The following DSCAM variants were observed in gnomAD, a reference collection of about 807,000 sequenced individuals.
DSCAM encodes cell adhesion molecule DSCAM.
In DSCAM, 47 loss-of-function variants were observed where a neutral mutation model predicts 217.7. That is an observed-to-expected ratio of 0.22 (90% CI 0.17 to 0.28). DSCAM has a LOEUF of 0.28. Among genes scored for constraint, DSCAM ranks in the 10% least tolerant of loss-of-function variants. The pLI, the probability that DSCAM is intolerant of heterozygous loss-of-function variation, is 1.00. For missense variants in DSCAM, 2,080 were observed against 2,618.3 expected, an observed-to-expected ratio of 0.79 and a Z score of 4.49; for synonymous variants, 1,056 against 1,015.3, an observed-to-expected ratio of 1.04 and a Z score of -0.76.
At chr21:40,294,533 T>A (rs1461474068) in intron 10 of DSCAM, among the ~76,000 whole-genome samples, 1 of 152,220 alleles carries the variant, frequency 6.6e-6, no homozygotes, top group Non-Finnish European at 1.5e-5. Flanking sequence ...CTGGTGCCTT[T>A]TCACTTCACT....
intron 1 of DSCAM, among the ~76,000 whole-genome samples, chr21:40,800,717 T>TTC (rs2091732781): frequency 4.3e-5 from 5 of 116,544 alleles, no homozygotes; most frequent in South Asian, 2.9e-4. Flanking sequence ...CTTACTTTCT[T>TTC]TTTTTTTTTT....
chr21:40,253,000 AT>A (rs143676118), intron 11 of DSCAM, among the ~76,000 whole-genome samples: 1,976 of 152,226 alleles, frequency 0.013, 42 homozygotes, highest in African/African-American at 0.046. Flanking sequence ...GGTAAATGGA[AT>A]TTATATTCTT....
At chr21:40,501,024 A>G (rs904934073) in intron 3 of DSCAM, among the ~76,000 whole-genome samples, 1 of 152,226 alleles carries the variant, frequency 6.6e-6, no homozygotes, top group Non-Finnish European at 1.5e-5. Context: ...ACTCCAAACA[A>G]TATCTATTAC....
rs563963748 is a variant in DSCAM at position 40,016,751 on chromosome 21, G to A, written c.5687-3365C>T. On this transcript the variant is annotated intron_variant, in intron 32 of 32. Transcript: ENST00000400454. The surrounding 1 kb of genome is among the most constrained non-coding windows in gnomAD (Gnocchi z 4.3). The stretch of plus-strand genomic sequence containing the variant: ...TGAAAGTGATATGTGTTTAGACAGT[G>A]TTTAAAGCCTGAACCTTAGGAAACA... 3.3e-5 allele frequency among the ~76,000 whole-genome samples: 5 copies of A among 152,304 alleles called. No individual in the cohort carries two copies. In the South Asian group the frequency reaches 8.3e-4, roughly 25 times the overall value.
chr21:40,039,671 C>G (rs1448919209), intron 32 of DSCAM, among the ~76,000 whole-genome samples: 2 of 152,118 alleles, frequency 1.3e-5, no homozygotes, highest in East Asian at 3.9e-4. Flanking sequence ...TATCAGGTAT[C>G]TGCTAGACCT....
intron 3 of DSCAM, among the ~76,000 whole-genome samples, chr21:40,540,879 T>A (rs867668754): frequency 2.0e-5 from 3 of 152,174 alleles, no homozygotes; most frequent in Non-Finnish European, 4.4e-5. Flanking sequence ...ATATTACTTT[T>A]AAAGGTTTTT....
At chr21:40,685,932 C>CAAACAA (rs138811486) in intron 3 of DSCAM, among the ~76,000 whole-genome samples, 17 of 143,136 alleles carry the variant, frequency 1.2e-4, no homozygotes, top group East Asian at 4.2e-4. Flanking sequence ...GAAACTGAGG[C>CAAACAA]AAACAAAAAC....
chr21:40,131,089 AATCT>A (rs2090150161), intron 19 of DSCAM, among the ~76,000 whole-genome samples: 1 of 152,218 alleles, frequency 6.6e-6, no homozygotes, highest in Non-Finnish European at 1.5e-5. Context: ...TTTTACTGGA[AATCT>A]ATCTGTATTT....
In DSCAM at chr21:40,124,310, C is replaced by T. The variant is rs1405376889; in HGVS notation, c.3581G>A (p.Gly1194Asp). 1 of 1,613,982 alleles carries T rather than the reference C, an allele frequency of 6.2e-7. No individual in the cohort carries two copies. ...TKEDVPGPPA[G>D]VKAAAASASM... Reference sequence around the variant, plus strand: ...GGCTGAGGCCGCCGCTGCCTTCACACCCGCGGGAGGACCTGGAACTGGAAG... The same window carrying T: ...GGCTGAGGCCGCCGCTGCCTTCACATCCGCGGGAGGACCTGGAACTGGAAG... The change falls in exon 20 of 33, where the codon GGT (glycine) becomes GAT (aspartate). Residue 1194 changes from glycine (G) to aspartate (D), a missense_variant. Coordinates refer to ENST00000400454, the MANE Select transcript of DSCAM (RefSeq NM_001389.5).
chr21:40,399,367 A>T (rs906444690), intron 3 of DSCAM, among the ~76,000 whole-genome samples: 5 of 152,210 alleles, frequency 3.3e-5, no homozygotes, highest in Admixed American at 2.0e-4. Context: ...TTTTGAGAGT[A>T]TGGGTGGAAA....
chr21:40,650,788 C>A (rs1305578644), intron 3 of DSCAM, among the ~76,000 whole-genome samples: 1 of 152,262 alleles, frequency 6.6e-6, no homozygotes, highest in African/African-American at 2.4e-5. Flanking sequence ...GTGGTGTGCG[C>A]CTTTAGTCCC....
At position 40,012,905 on chromosome 21, in the gene DSCAM, C is replaced by CT; in HGVS notation, c.*128dup. On this transcript the variant is annotated 3_prime_UTR_variant, in exon 33 of 33. Transcript: ENST00000400454. Reference sequence around the variant, plus strand: ...GCACTGTCTGTGGTTTCAGTATTTTCTCTTTTTTTTTTTTAATATATTTTG... The same window carrying CT: ...GCACTGTCTGTGGTTTCAGTATTTTCTTCTTTTTTTTTTTTAATATATTTTG... 1 of 614,936 alleles carries CT rather than the reference C, an allele frequency of 1.6e-6. No individual in the cohort carries two copies. The highest frequency in any genetic ancestry group is 2.3e-6 in the Non-Finnish European group (1 of 432,670). The allele number at this position is 614,936 out of a possible 1,614,324, so 38.1% of individuals were successfully genotyped here.
At chr21:40,064,768 T>C (rs889398464) in intron 27 of DSCAM, among the ~76,000 whole-genome samples, 4 of 152,180 alleles carry the variant, frequency 2.6e-5, no homozygotes, top group Non-Finnish European at 4.4e-5. Context: ...GACAGAGAAG[T>C]TGCCAGGATG....
intron 3 of DSCAM, among the ~76,000 whole-genome samples, chr21:40,420,315 C>A (rs148644803): frequency 2.0e-5 from 3 of 152,164 alleles, no homozygotes; most frequent in Non-Finnish European, 4.4e-5. Flanking sequence ...GACTCAAGAT[C>A]TATGACTTGG....
At chr21:40,414,513 T>A (rs1601624023) in intron 3 of DSCAM, among the ~76,000 whole-genome samples, 1 of 152,342 alleles carries the variant, frequency 6.6e-6, no homozygotes, top group East Asian at 1.9e-4. Context: ...CTATTACTTG[T>A]GGGAATGCAA....
chr21:40,421,898 T>C (rs2075428180), intron 3 of DSCAM, among the ~76,000 whole-genome samples: 1 of 152,164 alleles, frequency 6.6e-6, no homozygotes, highest in South Asian at 2.1e-4. Flanking sequence ...GAGCCAACCT[T>C]GAGAAATGTC....
At chr21:40,383,453 A>G (rs2075048046) in intron 3 of DSCAM, 1 of 152,238 alleles carries the variant, frequency 6.6e-6, no homozygotes, top group Admixed American at 6.5e-5. Context: ...ATCCGGACAC[A>G]TGGTGAGACT....
At chr21:40,696,133 G>A (rs1370838043) in intron 2 of DSCAM, among the ~76,000 whole-genome samples, 8 of 152,046 alleles carry the variant, frequency 5.3e-5, no homozygotes, top group Non-Finnish European at 5.9e-5. Flanking sequence ...TGCATTATAA[G>A]ACAGAGTATT....
intron 32 of DSCAM, among the ~76,000 whole-genome samples, chr21:40,022,588 AC>A (rs2088293536): frequency 6.6e-6 from 1 of 152,054 alleles, no homozygotes; most frequent in African/African-American, 2.4e-5. Context: ...AGAAGGCAAA[AC>A]CCCCAGGTCT....
Sources: allele counts gnomAD v4.1 joint callset (sites outside exome capture counted in the v4.1 genomes callset), GRCh38; gene constraint gnomAD v4.1.1; non-coding constraint Gnocchi (gnomAD v3.1); transcripts MANE v1.5; gene names NCBI Gene and HGNC (gene_info 2026-07-23, HGNC 2026-07-21).